The following KANK1 variants were observed in gnomAD, a reference collection of about 807,000 sequenced individuals.
The protein encoded by KANK1 is KN motif and ankyrin repeat domain-containing protein 1.
In KANK1, 109 loss-of-function variants were observed where a neutral mutation model predicts 106.2. That is an observed-to-expected ratio of 1.03 (90% CI 0.88 to 1.20). KANK1 has a LOEUF of 1.20. Among genes scored for constraint, KANK1 ranks in the 50% most tolerant of loss-of-function variants. The pLI, the probability that KANK1 is intolerant of heterozygous loss-of-function variation, is 0.00. For missense variants in KANK1, 2,399 were observed against 1,710.7 expected (o/e 1.40, Z -7.10); for synonymous variants, 873 against 652.2 (o/e 1.34, Z -5.16).
rs114869733 is a variant in KANK1, at chr9:730,199, G to A, written c.2847G>A (p.Thr949=). ...SLDAFPTQEG[T]LSPVNLTDDQ... ...ATGCCTTCCCCACTCAGGAAGGTAC[G>A]CTGTCTCCAGTGAACCTGACAGACG... Residue 949 remains threonine, a synonymous_variant, in exon 4 of 12, where the codon ACG becomes ACA. Transcript: ENST00000382297. 1.1e-4 allele frequency: 175 copies of A among 1,614,180 alleles called. 1 individual carries two copies. The African/African-American group carries it at 1.8e-3, about 17-fold the overall frequency.
rs78638990 is a variant in KANK1 at position 702,059 on chromosome 9, T to G, written c.38-8745T>G. ...CAGACTTGCCATCAGTTTGTTGATT[T>G]CACCTTTTCTCTGAACACAGAGGAA... On this transcript the variant is annotated intron_variant, in intron 2 of 11. Transcript: ENST00000382297. Among the ~76,000 whole-genome samples, 867 of 152,314 alleles carry G rather than the reference T, an allele frequency of 5.7e-3. 11 individuals are homozygous for G. Among genetic ancestry groups the G allele is most frequent in the African/African-American group, 0.019 (769 of 41,548 alleles).
chr9:481,812 C>A (rs186245376), intron 3 of KANK1, among the ~76,000 whole-genome samples: 55 of 151,844 alleles, frequency 3.6e-4, no homozygotes, highest in African/African-American at 1.2e-3. Context: ...CCACTGCACT[C>A]CAGCCTGGGT....
intron 1 of KANK1, among the ~76,000 whole-genome samples, chr9:583,538 C>T (rs1289841702): frequency 6.6e-6 from 1 of 151,978 alleles, no homozygotes; most frequent in Non-Finnish European, 1.5e-5. Flanking sequence ...TATTAGTATC[C>T]TTCTATGAAG....
At chr9:738,256 G>A (rs1564123779) in intron 7 of KANK1, 29 bp from the exon 8 acceptor site, 3 of 1,578,294 alleles carry the variant, frequency 1.9e-6, no homozygotes, top group East Asian at 4.5e-5. Flanking sequence ...ATAAATAGAA[G>A]AACTAACGAC....
intron 1 of KANK1, among the ~76,000 whole-genome samples, chr9:592,819 T>C (rs926816829): frequency 6.6e-6 from 1 of 151,934 alleles, no homozygotes; most frequent in African/African-American, 2.4e-5. Context: ...AGTATAGTCC[T>C]TAAGCACTAT....
intron 1 of KANK1, among the ~76,000 whole-genome samples, chr9:579,871 G>C (rs573724548): frequency 5.9e-5 from 9 of 152,286 alleles, no homozygotes; most frequent in Admixed American, 3.3e-4. Context: ...CCTCAGGCCA[G>C]ACAGTGAATC....
intron 1 of KANK1, among the ~76,000 whole-genome samples, chr9:623,823 T>G (rs1311774857): frequency 2.0e-5 from 3 of 152,232 alleles, no homozygotes; most frequent in South Asian, 2.1e-4. Flanking sequence ...TTATGGACAT[T>G]GGTATGGAAG....
intron 3 of KANK1, among the ~76,000 whole-genome samples, chr9:486,384 C>A (rs991268847): frequency 6.6e-6 from 1 of 152,186 alleles, no homozygotes; most frequent in Admixed American, 6.5e-5. Context: ...TTACCTCTTA[C>A]AAAATGTTTA....
intron 1 of KANK1, among the ~76,000 whole-genome samples, chr9:527,776 A>G (rs1200865165): frequency 1.3e-5 from 2 of 150,306 alleles, no homozygotes; most frequent in South Asian, 2.1e-4. Context: ...TTTCCCTCAG[A>G]ACTTTAAAGA....
At chr9:666,973 A>G (rs547218009) in intron 1 of KANK1, among the ~76,000 whole-genome samples, 15 of 105,040 alleles carry the variant, frequency 1.4e-4, no homozygotes, top group African/African-American at 5.1e-4. Flanking sequence ...GCCTTGCCGG[A>G]TGAGTTTGAG....
At chr9:653,197 C>G (rs1390274290) in intron 1 of KANK1, among the ~76,000 whole-genome samples, 3 of 152,122 alleles carry the variant, frequency 2.0e-5, no homozygotes, top group Non-Finnish European at 2.9e-5. Context: ...TAGGGCTGTC[C>G]TAGTCTGGAC....
intron 1 of KANK1, among the ~76,000 whole-genome samples, chr9:614,198 T>TA (rs1329064515): frequency 1.3e-5 from 2 of 152,152 alleles, no homozygotes; most frequent in Middle Eastern, 6.3e-3. Flanking sequence ...AGCTGTGAGA[T>TA]AATGGTGTAT....
chr9:691,229 C>G (rs540593331), intron 2 of KANK1, among the ~76,000 whole-genome samples: 9 of 152,190 alleles, frequency 5.9e-5, no homozygotes, highest in South Asian at 2.1e-4. Context: ...GCTACTTTAG[C>G]AAAATGATTG....
intron 1 of KANK1, among the ~76,000 whole-genome samples, chr9:594,036 G>T (rs550418507): frequency 3.3e-5 from 5 of 151,978 alleles, no homozygotes; most frequent in Non-Finnish European, 5.9e-5. Context: ...ACTGCCCTGG[G>T]GTCTGATCTA....
intron 3 of KANK1, among the ~76,000 whole-genome samples, chr9:482,790 C>T (rs1171541139): frequency 2.0e-5 from 3 of 152,246 alleles, no homozygotes; most frequent in African/African-American, 4.8e-5. Context: ...GCTGACTCTT[C>T]AGACGCAGTA....
chr9:552,338 T>C (rs2061333405), intron 1 of KANK1, among the ~76,000 whole-genome samples: 1 of 152,184 alleles, frequency 6.6e-6, no homozygotes, highest in Non-Finnish European at 1.5e-5. Flanking sequence ...CCTGCCTAAC[T>C]AAGGTCAGTT....
At chr9:562,790 A>G (rs1435747622) in intron 1 of KANK1, among the ~76,000 whole-genome samples, 1 of 152,206 alleles carries the variant, frequency 6.6e-6, no homozygotes, top group African/African-American at 2.4e-5. Context: ...GAGCTAGTGA[A>G]CTTCATCACG....
chr9:717,469 G>A (rs1303022755), intron 3 of KANK1, among the ~76,000 whole-genome samples: 1 of 152,088 alleles, frequency 6.6e-6, no homozygotes, highest in Admixed American at 6.6e-5. Context: ...TACATAGTCC[G>A]CCTCTTTGTT....
intron 1 of KANK1, among the ~76,000 whole-genome samples, chr9:592,665 TC>T (rs1256798165): frequency 6.6e-6 from 1 of 151,948 alleles, no homozygotes; most frequent in African/African-American, 2.4e-5. Flanking sequence ...TTTTATGGTT[TC>T]ATCTCACATT....
Sources: gnomAD v4.1 joint callset for allele counts (sites outside exome capture counted in the v4.1 genomes callset) on GRCh38, gnomAD v4.1.1 for gene constraint, MANE v1.5 for transcripts, NCBI Gene and HGNC (gene_info 2026-07-23, HGNC 2026-07-21) for gene names.